Variants in SLC1A1 observed in about 807,000 individuals in gnomAD.
The protein encoded by SLC1A1 is excitatory amino acid transporter 3.
Under a neutral mutation model 53.3 loss-of-function variants are expected in SLC1A1, and 43 were observed. That is an observed-to-expected ratio of 0.81 (90% confidence interval 0.63 to 1.04). The LOEUF is 1.04. SLC1A1 is among the 50% of genes least tolerant of loss of function. The pLI is 0.00. For synonymous variants in SLC1A1, 307 were observed against 243.2 expected, an observed-to-expected ratio of 1.26 and a Z score of -2.44; for missense variants, 748 against 664.9, an observed-to-expected ratio of 1.12 and a Z score of -1.37.
chr9:4,529,359 T>G (rs1816382859), intron 1 of SLC1A1, among the ~76,000 whole-genome samples: 1 of 152,168 alleles, frequency 6.6e-6, no homozygotes, highest in African/African-American at 2.4e-5. Context: ...TGCCAAGATA[T>G]CCCAGATTTC....
chr9:4,543,510 A>G (rs1442208193), intron 1 of SLC1A1, among the ~76,000 whole-genome samples: 1 of 152,234 alleles, frequency 6.6e-6, no homozygotes. Flanking sequence ...TGTGTTATCC[A>G]TACAACTGAA....
intron 1 of SLC1A1, among the ~76,000 whole-genome samples, chr9:4,497,393 C>T (rs1278545314): frequency 6.6e-6 from 1 of 152,270 alleles, no homozygotes; most frequent in South Asian, 2.1e-4. Flanking sequence ...GATGTTTCTG[C>T]CTCCCTCACC....
chr9:4,569,442 T>C (rs944145117), intron 6 of SLC1A1, among the ~76,000 whole-genome samples: 4 of 152,058 alleles, frequency 2.6e-5, no homozygotes, highest in Admixed American at 2.6e-4. Flanking sequence ...GCCAAAAGAG[T>C]TTGCTATAAA....
At chr9:4,547,243 G>A (rs1254037660) in intron 2 of SLC1A1, among the ~76,000 whole-genome samples, 1 of 152,180 alleles carries the variant, frequency 6.6e-6, no homozygotes, top group African/African-American at 2.4e-5. Flanking sequence ...GCTCAGCCTT[G>A]CAAATAATCT....
At chr9:4,575,919 T>C (rs2129807362) in intron 8 of SLC1A1, 82 bp from the exon 9 acceptor site, 1 of 1,524,570 alleles carries the variant, frequency 6.6e-7, no homozygotes, top group Admixed American at 1.7e-5. Flanking sequence ...ATTTTATAAA[T>C]TAAAAAGATG....
Position 4,572,287 on chromosome 9 carries a change from T to G in SLC1A1, c.666T>G (p.Phe222Leu), listed in dbSNP as rs1382594582. ...GCTTGATTGTCTTTTGCCTTGTCTTTGGACTTGTCATTGGAAAAATGGGAG... is the reference window on the plus strand; with the variant it reads ...GCTTGATTGTCTTTTGCCTTGTCTTGGGACTTGTCATTGGAAAAATGGGAG... ...VLGLIVFCLV[F>L]GLVIGKMGEK... is the part of the protein sequence containing the mutation. The change falls in exon 7 of 12, where the codon TTT becomes TTG. Residue 222 changes from phenylalanine (F) to leucine (L), a missense_variant. Coordinates refer to ENST00000262352, the MANE Select transcript of SLC1A1 (RefSeq NM_004170.6). The G allele has an allele frequency of 6.2e-7, 1 of 1,614,154 alleles. No individual in the cohort carries two copies. Among genetic ancestry groups the G allele is most frequent in the South Asian group, 1.1e-5 (1 of 91,080 alleles).
intron 1 of SLC1A1, among the ~76,000 whole-genome samples, chr9:4,541,243 A>G (rs902243585): frequency 3.3e-5 from 5 of 152,196 alleles, no homozygotes; most frequent in Admixed American, 6.5e-5. Context: ...ATTCAAGCAA[A>G]AAGCTGGGAA....
intron 1 of SLC1A1, among the ~76,000 whole-genome samples, chr9:4,496,370 A>G (rs1396282973): frequency 6.6e-6 from 1 of 151,940 alleles, no homozygotes; most frequent in African/African-American, 2.4e-5. Flanking sequence ...AGTCACGTTT[A>G]AGATCCAGAG....
At chr9:4,567,346 T>C (rs940803991) in intron 5 of SLC1A1, among the ~76,000 whole-genome samples, 3 of 152,246 alleles carry the variant, frequency 2.0e-5, no homozygotes, top group African/African-American at 7.2e-5. Flanking sequence ...ACAGAGTCTG[T>C]CTCTGACAGC....
chr9:4,491,797 C>G (rs1177921053), intron 1 of SLC1A1, among the ~76,000 whole-genome samples: 1 of 152,232 alleles, frequency 6.6e-6, no homozygotes, highest in Non-Finnish European at 1.5e-5. Context: ...GAAACTGCAG[C>G]TGTGTTTGCT....
chr9:4,573,116 A>C (rs1050396657), intron 7 of SLC1A1, among the ~76,000 whole-genome samples: 1 of 152,252 alleles, frequency 6.6e-6, no homozygotes, highest in Non-Finnish European at 1.5e-5. Context: ...ACCCATCTGA[A>C]TGAAAGCTAC....
At chr9:4,569,754 G>C (rs1368001047) in intron 6 of SLC1A1, among the ~76,000 whole-genome samples, 1 of 152,168 alleles carries the variant, frequency 6.6e-6, no homozygotes, top group Non-Finnish European at 1.5e-5. Flanking sequence ...CTTACTTCCA[G>C]TGGGCACCTC....
chr9:4,542,737 A>G (rs999067245), intron 1 of SLC1A1, among the ~76,000 whole-genome samples: 4 of 152,234 alleles, frequency 2.6e-5, no homozygotes, highest in Non-Finnish European at 5.9e-5. Context: ...TTTATAAAGC[A>G]GGAAGTGAGC....
At chr9:4,555,890 A>T (rs977730317) in intron 2 of SLC1A1, among the ~76,000 whole-genome samples, 1 of 152,248 alleles carries the variant, frequency 6.6e-6, no homozygotes, top group African/African-American at 2.4e-5. Context: ...CAGTTGTTAA[A>T]ATTTCTGATC....
intron 1 of SLC1A1, among the ~76,000 whole-genome samples, chr9:4,502,854 C>T (rs1820682912): frequency 6.6e-6 from 1 of 151,716 alleles, no homozygotes; most frequent in Non-Finnish European, 1.5e-5. Context: ...CTTTCTCAGT[C>T]TTGTAGCTCA....
chr9:4,561,854 G>A (rs1016212224), intron 3 of SLC1A1, among the ~76,000 whole-genome samples: 1 of 152,116 alleles, frequency 6.6e-6, no homozygotes, highest in Non-Finnish European at 1.5e-5. Flanking sequence ...ATGGTACTTT[G>A]ACAATACTAC....
At chr9:4,491,963 G>T (rs1342720786) in intron 1 of SLC1A1, among the ~76,000 whole-genome samples, 2 of 152,224 alleles carry the variant, frequency 1.3e-5, no homozygotes, top group Admixed American at 1.3e-4. Flanking sequence ...ATGGCCTTTG[G>T]AAGTTAATGG....
chr9:4,505,815 C>T (rs921017291), intron 1 of SLC1A1, among the ~76,000 whole-genome samples: 1 of 152,078 alleles, frequency 6.6e-6, no homozygotes, highest in Non-Finnish European at 1.5e-5. Context: ...TGCCACCACG[C>T]CCAGCTAATT....
intron 2 of SLC1A1, among the ~76,000 whole-genome samples, chr9:4,559,564 C>G (rs557897309): frequency 2.0e-5 from 3 of 152,086 alleles, no homozygotes; most frequent in Non-Finnish European, 4.4e-5. Context: ...AATGGATAGG[C>G]CTTTTAGTGT....
Sources: gnomAD v4.1 joint callset for allele counts (sites outside exome capture counted in the v4.1 genomes callset) on GRCh38, gnomAD v4.1.1 for gene constraint, MANE v1.5 for transcripts, NCBI Gene and HGNC (gene_info 2026-07-23, HGNC 2026-07-21) for gene names.